VPS8: variants seen among roughly 807,000 people sequenced by gnomAD.
VPS8 encodes VPS8 subunit of CORVET complex.
A neutral mutation model predicts 216.4 loss-of-function variants in VPS8; 129 were observed. The ratio of observed to expected loss-of-function variants is 0.60; its 90% confidence interval spans 0.52 to 0.69. VPS8 has a LOEUF of 0.69. VPS8 is among the 30% of genes least tolerant of loss of function. The probability of loss-of-function intolerance (pLI) is 0.00; values close to 1 mark genes in which losing one functional copy is unlikely to be tolerated. For synonymous variants in VPS8, 571 were observed against 565.4 expected, an observed-to-expected ratio of 1.01 and a Z score of -0.14; for missense variants, 1,531 against 1,683.5, an observed-to-expected ratio of 0.91 and a Z score of 1.59.
chr3:184,822,833 A>G (rs1290472534), intron 1 of VPS8, among the ~76,000 whole-genome samples: 2 of 152,228 alleles, frequency 1.3e-5, no homozygotes, highest in Admixed American at 6.5e-5. Flanking sequence ...CTGATGTTGG[A>G]AAGATACTTT....
chr3:184,852,221 T>C (rs903735241), intron 10 of VPS8, among the ~76,000 whole-genome samples: 48 of 152,254 alleles, frequency 3.2e-4, no homozygotes, highest in African/African-American at 1.2e-3. Context: ...TAGAGAACTT[T>C]AGGGTTTTTA....
rs541854464 is a variant in VPS8 at position 184,885,399 on chromosome 3, T to C, written c.1735-711T>C. Among the ~76,000 whole-genome samples the C allele has an allele frequency of 2.6e-5, 4 of 152,364 alleles. No homozygotes were observed. In the South Asian group the frequency reaches 8.3e-4, roughly 32 times the overall value. ...AAGCTACTGTTTCTCCCTCAGACTC[T>C]TTCCATTGAAAAGGGTCAAAATTAT... On this transcript the variant is annotated intron_variant, in intron 21 of 47. Coordinates refer to ENST00000625842, the MANE Select transcript of VPS8 (RefSeq NM_001009921.3).
intron 46 of VPS8, among the ~76,000 whole-genome samples, chr3:185,026,169 G>A (rs1270500116): frequency 6.6e-6 from 1 of 151,998 alleles, no homozygotes; most frequent in African/African-American, 2.4e-5. Context: ...ACCACAGATT[G>A]AAGATATATG....
chr3:184,816,142 G>A (rs1195438021), intron 1 of VPS8: 1 of 152,140 alleles, frequency 6.6e-6, no homozygotes, highest in Non-Finnish European at 1.5e-5. Context: ...GAAGCTGGAA[G>A]TGATCATTTT....
intron 15 of VPS8, among the ~76,000 whole-genome samples, chr3:184,860,458 TACACACACATACACACAC>T (rs1726120573): frequency 2.6e-5 from 2 of 77,938 alleles, no homozygotes; most frequent in Admixed American, 3.1e-4. Context: ...TATGTATGTA[TACACACACATACACACAC>T]ACACACACAC....
At chr3:184,961,742 T>TTTTTTG (rs1268400519) in intron 37 of VPS8, among the ~76,000 whole-genome samples, 2 of 151,790 alleles carry the variant, frequency 1.3e-5, no homozygotes, top group East Asian at 3.9e-4. Context: ...TTTTACCAAT[T>TTTTTTG]TTTTTGTTTT....
chr3:184,936,773 T>G (rs1183251063), intron 35 of VPS8, among the ~76,000 whole-genome samples: 1 of 151,530 alleles, frequency 6.6e-6, no homozygotes, highest in Non-Finnish European at 1.5e-5. Flanking sequence ...AGTCTCGCTC[T>G]GTCACCCAGG....
chr3:184,826,272 A>G, intron 3 of VPS8, 41 bp downstream of exon 3: 1 of 1,523,454 alleles, frequency 6.6e-7, no homozygotes. Flanking sequence ...TGTGTGTGGC[A>G]TTCATCTTAA....
chr3:185,009,968 G>A (rs1280667360), intron 45 of VPS8, among the ~76,000 whole-genome samples: 2 of 130,234 alleles, frequency 1.5e-5, no homozygotes, highest in African/African-American at 2.9e-5. Context: ...CACTGTGTGA[G>A]GAAACTACTT....
rs912820997 is a variant in VPS8 at position 184,919,191 on chromosome 3, T to C, written c.2383-936T>C. On this transcript the variant is annotated intron_variant, in intron 28 of 47. Transcript: ENST00000625842. ...TACTCTTGTTTGAACAGGAGTATGA[T>C]GTAGTCTTGAAAGTTCATGGCTGTG... 4.6e-5 allele frequency: 7 copies of C among 152,224 alleles called. No homozygotes were observed. In the East Asian group the frequency reaches 1.3e-3, roughly 29 times the overall value. The allele number at this position is 152,224 out of a possible 1,614,324, so 9.4% of individuals were successfully genotyped here.
Position 184,855,823 on chromosome 3 carries a change from G to C in VPS8, c.1143+5G>C. On this transcript the variant is annotated splice_donor_5th_base_variant and intron_variant, in intron 14 of 47. Coordinates refer to ENST00000625842, the MANE Select transcript of VPS8 (RefSeq NM_001009921.3). The stretch of plus-strand genomic sequence containing the variant: ...GATGTTGTTCATTTTCTATTGGTAA[G>C]TCCTAATATGACCATTAGAAAGCCT... 6.3e-7 allele frequency: 1 copy of C among 1,595,062 alleles called. No homozygotes were observed. Among genetic ancestry groups the C allele is most frequent in the Non-Finnish European group, 8.5e-7 (1 of 1,171,038 alleles).
chr3:184,925,772 ATTTTTTTTTT>A (rs769693262), intron 30 of VPS8, among the ~76,000 whole-genome samples: 19 of 121,522 alleles, frequency 1.6e-4, no homozygotes, highest in African/African-American at 5.9e-4. Flanking sequence ...TTCTCTCTCT[ATTTTTTTTTT>A]TTTTTTTTTG....
intron 29 of VPS8, among the ~76,000 whole-genome samples, chr3:184,921,996 A>G (rs995799472): frequency 3.9e-5 from 6 of 152,302 alleles, no homozygotes; most frequent in Admixed American, 6.5e-5. Flanking sequence ...CTAGGTCTCT[A>G]TAACTGGTCC....
At chr3:184,988,146 A>G (rs947986586) in intron 42 of VPS8, among the ~76,000 whole-genome samples, 2 of 152,246 alleles carry the variant, frequency 1.3e-5, no homozygotes, top group African/African-American at 4.8e-5. Flanking sequence ...TGTGTTTCAC[A>G]CAGCAGAAGT....
At chr3:184,909,077 C>T (rs1021290804) in intron 25 of VPS8, among the ~76,000 whole-genome samples, 4 of 152,180 alleles carry the variant, frequency 2.6e-5, no homozygotes, top group Non-Finnish European at 4.4e-5. Flanking sequence ...ACAAGGGACC[C>T]GCCCCTATCT....
chr3:184,877,781 C>A (rs1316434880), intron 21 of VPS8, among the ~76,000 whole-genome samples: 1 of 152,146 alleles, frequency 6.6e-6, no homozygotes, highest in Non-Finnish European at 1.5e-5. Flanking sequence ...TTATGTAACT[C>A]ACTTTGAAAC....
At chr3:184,961,358 A>G (rs1746473675) in intron 37 of VPS8, among the ~76,000 whole-genome samples, 1 of 152,190 alleles carries the variant, frequency 6.6e-6, no homozygotes, top group Admixed American at 6.5e-5. Flanking sequence ...TGCCTCCTGA[A>G]TTGCCCACAC....
chr3:184,837,826 C>T (rs1050306355), intron 5 of VPS8, among the ~76,000 whole-genome samples: 1 of 152,206 alleles, frequency 6.6e-6, no homozygotes, highest in Non-Finnish European at 1.5e-5. Flanking sequence ...AGTTCTGCCA[C>T]TTACCAAGTA....
intron 34 of VPS8, among the ~76,000 whole-genome samples, chr3:184,934,928 T>C (rs1173265559): frequency 1.3e-5 from 2 of 152,200 alleles, no homozygotes; most frequent in East Asian, 3.8e-4. Flanking sequence ...GCTGGAATTA[T>C]TTCTTCCTTA....
Sources: gnomAD v4.1 joint callset for allele counts (sites outside exome capture counted in the v4.1 genomes callset) on GRCh38, gnomAD v4.1.1 for gene constraint, MANE v1.5 for transcripts, NCBI Gene and HGNC (gene_info 2026-07-23, HGNC 2026-07-21) for gene names.